The following CPA6 variants were observed in gnomAD, a reference collection of about 807,000 sequenced individuals.
The protein encoded by CPA6 is carboxypeptidase A6.
A neutral mutation model predicts 63.3 loss-of-function variants in CPA6; 58 were observed. The ratio of observed to expected loss-of-function variants is 0.92; its 90% CI spans 0.74 to 1.14. The LOEUF (loss-of-function observed/expected upper bound fraction) is 1.14, where lower values mean the gene tolerates loss of function less well. Ranked by LOEUF, CPA6 falls within the 50% of genes most tolerant of loss-of-function variation. The probability of loss-of-function intolerance (pLI) is 0.00; values close to 1 mark genes in which losing one functional copy is unlikely to be tolerated. For synonymous variants in CPA6, 185 were observed against 179.0 expected (o/e 1.03, Z -0.27); for missense variants, 565 against 526.6 (o/e 1.07, Z -0.71).
intron 1 of CPA6, among the ~76,000 whole-genome samples, chr8:67,645,921 C>G (rs1370854595): frequency 2.0e-5 from 3 of 152,152 alleles, no homozygotes; most frequent in Non-Finnish European, 4.4e-5. Flanking sequence ...CCTCTTGTTA[C>G]CCAGTGTGAT....
At chr8:67,694,149 G>T (rs1353040964) in intron 1 of CPA6, among the ~76,000 whole-genome samples, 2 of 152,196 alleles carry the variant, frequency 1.3e-5, no homozygotes, top group East Asian at 3.9e-4. Flanking sequence ...ACAAGAGAAG[G>T]CTCTGTAACA....
rs745610417 is a variant in CPA6, at chr8:67,662,609, C to CAT, written c.117-38359_117-38358insAT. On this transcript the variant is annotated intron_variant, in intron 1 of 10. Coordinates refer to ENST00000297770, the MANE Select transcript of CPA6 (RefSeq NM_020361.5). Reference sequence around the variant, plus strand: ...TATGTATATATAGAATACATACACACGTATATGTATATATAGAATACATAC... The same window carrying CAT: ...TATGTATATATAGAATACATACACACATGTATATGTATATATAGAATACATAC... 9.2e-5 allele frequency among the ~76,000 whole-genome samples: 13 copies of CAT among 142,002 alleles called. 1 individual carries two copies. In the East Asian group the frequency reaches 1.5e-3, roughly 16 times the overall value. 93.2% of individuals were successfully genotyped at this position (142,002 alleles called of 152,430 possible). A position where few individuals can be genotyped will look rare whatever the true frequency, so the allele number is the denominator to read the frequency against.
At chr8:67,456,469 C>A (rs1005336315) in intron 8 of CPA6, among the ~76,000 whole-genome samples, 1 of 152,168 alleles carries the variant, frequency 6.6e-6, no homozygotes, top group Non-Finnish European at 1.5e-5. Context: ...AGCAGTCAAA[C>A]CTTTTCTGAA....
At chr8:67,649,383 C>G (rs1416018045) in intron 1 of CPA6, among the ~76,000 whole-genome samples, 5 of 152,156 alleles carry the variant, frequency 3.3e-5, no homozygotes, top group Admixed American at 2.6e-4. Context: ...TTACTTTAAT[C>G]CTAACAACAG....
chr8:67,470,866 A>C (rs934710388), intron 8 of CPA6, among the ~76,000 whole-genome samples: 1 of 152,218 alleles, frequency 6.6e-6, no homozygotes, highest in African/African-American at 2.4e-5. Context: ...ATATTTTGAA[A>C]GCAATGCATT....
At chr8:67,608,809 C>G (rs762177989) in intron 2 of CPA6, among the ~76,000 whole-genome samples, 1 of 152,178 alleles carries the variant, frequency 6.6e-6, no homozygotes, top group Non-Finnish European at 1.5e-5. Context: ...TGAGCCACCC[C>G]CTTTGTGAGG....
At chr8:67,518,087 A>T in intron 2 of CPA6, 40 bp from the exon 3 acceptor site, 1 of 1,492,604 alleles carries the variant, frequency 6.7e-7, no homozygotes, top group Non-Finnish European at 8.9e-7. Context: ...TATCCAACGT[A>T]GGGGGGGAAA....
chr8:67,552,161 C>CA (rs1203703388), intron 2 of CPA6, among the ~76,000 whole-genome samples: 11 of 152,152 alleles, frequency 7.2e-5, no homozygotes, highest in Non-Finnish European at 1.5e-4. Context: ...CCTTGCCTCC[C>CA]ACCTATTAAA....
intron 2 of CPA6, among the ~76,000 whole-genome samples, chr8:67,590,716 G>A (rs1420393465): frequency 2.0e-5 from 3 of 152,008 alleles, no homozygotes; most frequent in African/African-American, 7.2e-5. Context: ...CATATCCTTT[G>A]CCCACTTTTT....
intron 1 of CPA6, among the ~76,000 whole-genome samples, chr8:67,676,179 C>A (rs2128995212): frequency 6.6e-6 from 1 of 152,270 alleles, no homozygotes. Flanking sequence ...GAAGTATTGG[C>A]AGGGAGATGG....
chr8:67,659,453 G>T (rs1183972905), intron 1 of CPA6, among the ~76,000 whole-genome samples: 4 of 152,136 alleles, frequency 2.6e-5, no homozygotes, highest in Admixed American at 2.0e-4. Context: ...GAGTAATTTT[G>T]GATATAATTT....
chr8:67,494,239 G>T, intron 6 of CPA6, among the ~76,000 whole-genome samples: 1 of 151,266 alleles, frequency 6.6e-6, no homozygotes, highest in Admixed American at 6.6e-5. Context: ...TGTCATGAAG[G>T]GTTTTCTTCA....
At position 67,611,611 on chromosome 8, in the gene CPA6, AT is replaced by A. The variant is rs1428982214; in HGVS notation, c.192+12564del. Among the ~76,000 whole-genome samples the A allele has an allele frequency of 2.6e-5, 4 of 152,172 alleles. No homozygotes were observed. In the East Asian group the frequency reaches 7.7e-4, roughly 29 times the overall value. On this transcript the variant is annotated intron_variant, in intron 2 of 10. Transcript: ENST00000297770. ...GAAACTCAAGCTAGACTCCATAAAT[AT>A]TTCTCCTTTGATAGCTGGTCAATGT...
chr8:67,727,965 C>A (rs1484718356), intron 1 of CPA6, among the ~76,000 whole-genome samples: 2 of 151,812 alleles, frequency 1.3e-5, no homozygotes, highest in Non-Finnish European at 2.9e-5. Context: ...GTAGTCCCAG[C>A]TACTCGGGAG....
At chr8:67,686,468 G>A (rs575547252) in intron 1 of CPA6, among the ~76,000 whole-genome samples, 2 of 152,104 alleles carry the variant, frequency 1.3e-5, no homozygotes, top group African/African-American at 2.4e-5. Context: ...TAGCCAAAAA[G>A]GAAGTAAGAA....
intron 6 of CPA6, among the ~76,000 whole-genome samples, chr8:67,506,071 C>A (rs1007315995): frequency 7.3e-5 from 11 of 150,962 alleles, no homozygotes; most frequent in African/African-American, 2.4e-4. Context: ...AAAAAAAAAA[C>A]CATGAAAGAT....
intron 1 of CPA6, among the ~76,000 whole-genome samples, chr8:67,705,406 C>T (rs758215797): frequency 2.6e-5 from 4 of 152,208 alleles, no homozygotes; most frequent in Admixed American, 6.5e-5. Flanking sequence ...GAGCTGCCTA[C>T]TCTGTGCTAA....
intron 2 of CPA6, among the ~76,000 whole-genome samples, chr8:67,614,461 T>A (rs1188713720): frequency 6.6e-6 from 1 of 152,142 alleles, no homozygotes; most frequent in African/African-American, 2.4e-5. Context: ...CACAGCTGTT[T>A]AAAGAAACCA....
intron 2 of CPA6, among the ~76,000 whole-genome samples, chr8:67,525,745 G>T (rs922771861): frequency 6.6e-6 from 1 of 152,156 alleles, no homozygotes; most frequent in Non-Finnish European, 1.5e-5. Flanking sequence ...GTCAAGACAG[G>T]TCATTATCTT....
Sources: gnomAD v4.1 joint callset for allele counts (sites outside exome capture counted in the v4.1 genomes callset) on GRCh38, gnomAD v4.1.1 for gene constraint, MANE v1.5 for transcripts, NCBI Gene and HGNC (gene_info 2026-07-23, HGNC 2026-07-21) for gene names.